The following EXO1 variants were observed in gnomAD, a reference collection of about 807,000 sequenced individuals.
The protein encoded by EXO1 is exonuclease 1.
EXO1 carries 69 observed loss-of-function variants against 84.5 expected under a neutral mutation model. The observed-to-expected ratio is 0.82, with a 90% CI of 0.67 to 1.00. The LOEUF is 1.00. Among genes scored for constraint, EXO1 ranks in the 50% least tolerant of loss-of-function variants. The probability of loss-of-function intolerance (pLI) is 0.00; values close to 1 mark genes in which losing one functional copy is unlikely to be tolerated. For synonymous variants in EXO1, 373 were observed against 366.1 expected (o/e 1.02, Z -0.21); for missense variants, 1,045 against 1,000.7 (o/e 1.04, Z -0.60).
At chr1:241,857,509 A>G (rs750417274) in intron 7 of EXO1, 27 bp downstream of exon 7, 3 of 1,593,762 alleles carry the variant, frequency 1.9e-6, no homozygotes, top group African/African-American at 2.7e-5. Flanking sequence ...ACTATATATT[A>G]CTTTTCTATG....
chr1:241,868,707 C>T (rs1183342205), intron 11 of EXO1, among the ~76,000 whole-genome samples: 1 of 152,126 alleles, frequency 6.6e-6, no homozygotes, highest in Non-Finnish European at 1.5e-5. Context: ...TAGTTAAATC[C>T]ATACATCAAT....
At position 241,870,235 on chromosome 1, in the gene EXO1, A is replaced by G. The variant is rs1438691174; in HGVS notation, c.1268-1797A>G. Among the ~76,000 whole-genome samples, 3 of 152,186 alleles carry G rather than the reference A, an allele frequency of 2.0e-5. No individual in the cohort carries two copies. In the East Asian group the frequency reaches 5.8e-4, roughly 29 times the overall value. On this transcript the variant is annotated intron_variant, in intron 11 of 15. Transcript: ENST00000366548. ...CTAAGTCTACTTTTCTATAACTACAACTTATCAATAGGTTTTGTCCCCTTT... is the reference window on the plus strand; with the variant it reads ...CTAAGTCTACTTTTCTATAACTACAGCTTATCAATAGGTTTTGTCCCCTTT...
At chr1:241,859,026 T>C (rs1300423257) in intron 8 of EXO1, among the ~76,000 whole-genome samples, 4 of 152,196 alleles carry the variant, frequency 2.6e-5, no homozygotes, top group African/African-American at 4.8e-5. Flanking sequence ...TATAACTCTA[T>C]AGTAGTGGTT....
Position 241,879,227 on chromosome 1 carries a change from C to T in EXO1, c.1993C>T (p.His665Tyr). The T allele has an allele frequency of 1.2e-6, 2 of 1,601,454 alleles. No individual in the cohort carries two copies. Among genetic ancestry groups the T allele is most frequent in the African/African-American group, 1.3e-5 (1 of 74,504 alleles). Reference sequence around the variant, plus strand: ...CGAGGAGTCCAGTGACGATGAGTCTCATCCCTTACGAGAAGAGGCATGTTC... The same window carrying T: ...CGAGGAGTCCAGTGACGATGAGTCTTATCCCTTACGAGAAGAGGCATGTTC... ...KSEESSDDES[H>Y]PLREEACSSQ... The change falls in exon 13 of 16, where the codon CAT (histidine) becomes TAT (tyrosine). Residue 665 changes from histidine (H) to tyrosine (Y), a missense_variant. Transcript: ENST00000366548.
Position 241,853,370 on chromosome 1 carries a change from C to T in EXO1, c.294C>T (p.Ala98=), listed in dbSNP as rs1660772139. 2 of 1,613,780 alleles carry T rather than the reference C, an allele frequency of 1.2e-6. No homozygotes were observed. Among genetic ancestry groups the T allele is most frequent in the African/African-American group, 2.7e-5 (2 of 74,894 alleles). The change falls in exon 6 of 16, where the codon GCC becomes GCT. Residue 98 remains alanine (A), a synonymous_variant. Transcript: ENST00000366548. ...VERSRRERRQ[A]NLLKGKQLLR... ...TCTTCCCTTGCAGAAGACGACAAGCCAATCTTCTTAAGGGAAAGCAACTTC... is the reference window on the plus strand; with the variant it reads ...TCTTCCCTTGCAGAAGACGACAAGCTAATCTTCTTAAGGGAAAGCAACTTC...
chr1:241,863,327 A>G (rs1299957657), intron 10 of EXO1, among the ~76,000 whole-genome samples: 1 of 151,980 alleles, frequency 6.6e-6, no homozygotes, highest in Non-Finnish European at 1.5e-5. Context: ...CAAGTTCTCT[A>G]CTGTCTGCTG....
chr1:241,867,842 C>T (rs988492543), intron 11 of EXO1, among the ~76,000 whole-genome samples: 3 of 152,006 alleles, frequency 2.0e-5, no homozygotes, highest in East Asian at 3.9e-4. Flanking sequence ...AATCTTGAAG[C>T]GGGGCAGTGT....
Position 241,889,446 on chromosome 1 carries a change from AT to A in EXO1, c.2406-15del, listed in dbSNP as rs760164096. ...TCAGTACCTTAAAAATACCAAATGTATTTTATTGTATTTTGCAGAGATTCTG... is the reference window on the plus strand; with the variant it reads ...TCAGTACCTTAAAAATACCAAATGTATTTATTGTATTTTGCAGAGATTCTG... On this transcript the variant is annotated intron_variant, in intron 15 of 15. Transcript: ENST00000366548. 1 of 1,608,832 alleles carries A rather than the reference AT, an allele frequency of 6.2e-7. No homozygotes were observed. Among genetic ancestry groups the A allele is most frequent in the African/African-American group, 1.3e-5 (1 of 74,942 alleles).
At position 241,879,057 on chromosome 1, in the gene EXO1, G is replaced by A. The variant is rs1558143415; in HGVS notation, c.1823G>A (p.Cys608Tyr). The change falls in exon 13 of 16, where the codon TGT becomes TAT. Residue 608 changes from cysteine (C) to tyrosine (Y), a missense_variant. By Grantham distance (194) the Cys-to-Tyr change is radical (BLOSUM62 -2). Transcript: ENST00000366548. The part of the protein sequence containing the change: ...SPPTLGTLRS[C>Y]FSWSGGLGDF... Reference sequence around the variant, plus strand: ...CCCACTTTGGGAACACTAAGAAGTTGTTTTAGTTGGTCTGGAGGTCTTGGA... The same window carrying A: ...CCCACTTTGGGAACACTAAGAAGTTATTTTAGTTGGTCTGGAGGTCTTGGA... The A allele has an allele frequency of 4.3e-6, 7 of 1,614,210 alleles. No individual in the cohort carries two copies. The highest frequency in any genetic ancestry group is 5.9e-6 in the Non-Finnish European group (7 of 1,180,038).
rs1663030365 is a variant in EXO1, at chr1:241,885,779, G to T, written c.2405+272G>T. ...AGCAAATTGCTTTCCTAGGCCTTAA[G>T]TCTCCTGCCTTCCTTTTCTTATCTC... On this transcript the variant is annotated intron_variant, in intron 15 of 15. Transcript: ENST00000366548. 2.0e-5 allele frequency among the ~76,000 whole-genome samples: 3 copies of T among 151,774 alleles called. No homozygotes were observed. The South Asian group carries it at 6.2e-4, about 31-fold the overall frequency.
intron 10 of EXO1, among the ~76,000 whole-genome samples, chr1:241,862,086 G>A (rs1661428359): frequency 6.6e-6 from 1 of 152,170 alleles, no homozygotes; most frequent in African/African-American, 2.4e-5. Flanking sequence ...TTACAGGCAT[G>A]CACCACCACG....
chr1:241,885,406 G>A lies in EXO1; in HGVS notation c.2304G>A (p.Lys768=). 6.2e-7 allele frequency: 1 copy of A among 1,613,908 alleles called. No individual in the cohort carries two copies. The highest frequency in any genetic ancestry group is 8.5e-7 in the Non-Finnish European group (1 of 1,179,902). The change falls in exon 15 of 16, where the codon AAG becomes AAA. Residue 768 remains lysine, a synonymous_variant. Transcript: ENST00000366548. ...LGPARASGLS[K]KPASIQKRKH... Reference sequence around the variant, plus strand: ...CTGCCAGAGCCAGTGGGCTGAGCAAGAAGCCGGCAAGCATCCAGAAGAGAA... The same window carrying A: ...CTGCCAGAGCCAGTGGGCTGAGCAAAAAGCCGGCAAGCATCCAGAAGAGAA...
chr1:241,872,575 A>G (rs904563741), intron 12 of EXO1, among the ~76,000 whole-genome samples: 6 of 151,186 alleles, frequency 4.0e-5, no homozygotes, highest in African/African-American at 1.5e-4. Flanking sequence ...TCATTGTTCA[A>G]CTCCCATTTA....
At chr1:241,877,179 A>T (rs1662451883) in intron 12 of EXO1, among the ~76,000 whole-genome samples, 1 of 152,206 alleles carries the variant, frequency 6.6e-6, no homozygotes, top group Non-Finnish European at 1.5e-5. Flanking sequence ...GAAACGTGCC[A>T]GTTTTATCTT....
At chr1:241,860,418 G>A in intron 8 of EXO1, 99 bp from the exon 9 acceptor site, 1 of 962,586 alleles carries the variant, frequency 1.0e-6, no homozygotes, top group East Asian at 2.4e-5. Context: ...AGCAGTTAAT[G>A]TTTCAATCCC....
At chr1:241,878,511 A>T (rs1662535718) in intron 12 of EXO1, among the ~76,000 whole-genome samples, 1 of 151,098 alleles carries the variant, frequency 6.6e-6, no homozygotes, top group African/African-American at 2.4e-5. Context: ...AAAAAAAAAG[A>T]AGGAAAATCC....
Position 241,875,649 on chromosome 1 carries a change from C to T in EXO1, c.1515-3100C>T, listed in dbSNP as rs193257658. On this transcript the variant is annotated intron_variant, in intron 12 of 15. Transcript: ENST00000366548. ...ATCCCAGCACTTTGGGAGGCCAAGG[C>T]GGTCGGATCATGAGGTCAGGAGATC... 2.6e-4 allele frequency among the ~76,000 whole-genome samples: 39 copies of T among 152,170 alleles called. 1 individual carries two copies. Among genetic ancestry groups the T allele is most frequent in the Admixed American group, 2.1e-3 (32 of 15,288 alleles).
At chr1:241,879,622 G>A (rs981890489) in intron 13 of EXO1, among the ~76,000 whole-genome samples, 7 of 152,092 alleles carry the variant, frequency 4.6e-5, no homozygotes, top group Non-Finnish European at 8.8e-5. Context: ...AGTTAAAACC[G>A]AGGCAGAGTG....
chr1:241,881,116 C>T (rs1246127608), intron 13 of EXO1, among the ~76,000 whole-genome samples: 2 of 152,118 alleles, frequency 1.3e-5, no homozygotes, highest in African/African-American at 2.4e-5. Context: ...CAACCTCCAC[C>T]TCCCGGGTTC....
Sources: allele counts gnomAD v4.1 joint callset (sites outside exome capture counted in the v4.1 genomes callset), GRCh38; gene constraint gnomAD v4.1.1; transcripts MANE v1.5; gene names NCBI Gene and HGNC (gene_info 2026-07-23, HGNC 2026-07-21).